Variants in ACACA observed in about 807,000 individuals in gnomAD.
ACACA encodes the protein acetyl-CoA carboxylase alpha.
A neutral mutation model predicts 296.1 loss-of-function variants in ACACA; 103 were observed. The observed-to-expected ratio is 0.35, with a 90% CI of 0.30 to 0.41. The LOEUF is 0.41. Among genes scored for constraint, ACACA ranks in the 10% least tolerant of loss-of-function variants. The probability of loss-of-function intolerance (pLI) is 1.00; values close to 1 mark genes in which losing one functional copy is unlikely to be tolerated. For missense variants in ACACA, 1,554 were observed against 2,989.7 expected (o/e 0.52, Z 11.20); for synonymous variants, 953 against 1,038.6 (o/e 0.92, Z 1.58).
intron 45 of ACACA, among the ~76,000 whole-genome samples, chr17:37,131,889 T>C (rs529301835): frequency 6.6e-6 from 1 of 152,320 alleles, no homozygotes; most frequent in East Asian, 1.9e-4. Context: ...CTGAGCAACA[T>C]GCTGGCAGCT....
At chr17:37,110,495 A>T (rs2073921742) in intron 52 of ACACA, among the ~76,000 whole-genome samples, 2 of 152,194 alleles carry the variant, frequency 1.3e-5, no homozygotes, top group Admixed American at 1.3e-4. Context: ...GGTGGCTGTT[A>T]CCCAGTGGCA....
At chr17:37,296,290 A>C (rs1045786161) in intron 3 of ACACA, among the ~76,000 whole-genome samples, 1 of 142,624 alleles carries the variant, frequency 7.0e-6, no homozygotes, top group Non-Finnish European at 1.5e-5. Flanking sequence ...GGAAAGGCAG[A>C]TCTTTGGAGC....
chr17:37,324,109 G>A (rs1019432908), intron 3 of ACACA, among the ~76,000 whole-genome samples: 13 of 152,142 alleles, frequency 8.5e-5, no homozygotes, highest in South Asian at 2.1e-4. Flanking sequence ...GCTCACACCT[G>A]TAATCTCAGC....
In ACACA at chr17:37,085,395, C is replaced by G; in HGVS notation, c.*1921G>C. ...GGGAGGTAAATGAGTGTAACCCACC[C>G]TGCCTCTGAAGACATGCCTGGACAG... On this transcript the variant is annotated 3_prime_UTR_variant, in exon 56 of 56. Coordinates refer to ENST00000616317, the MANE Select transcript of ACACA (RefSeq NM_198834.3). 1 of 390,712 alleles carries G rather than the reference C, an allele frequency of 2.6e-6. No homozygotes were observed. The highest frequency in any genetic ancestry group is 4.5e-6 in the Non-Finnish European group (1 of 221,564). 24.2% of individuals were successfully genotyped at this position (390,712 alleles called of 1,614,324 possible). A position where few individuals can be genotyped will look rare whatever the true frequency, so the allele number is the denominator to read the frequency against.
intron 4 of ACACA, 77 bp from the exon 5 acceptor site, chr17:37,283,482 T>C: frequency 2.0e-6 from 3 of 1,486,870 alleles, no homozygotes; most frequent in Non-Finnish European, 2.8e-6. Context: ...ATGAGAGAAT[T>C]TTTACATATC....
chr17:37,338,257 C>CA (rs934272312), intron 2 of ACACA, among the ~76,000 whole-genome samples: 1 of 130,272 alleles, frequency 7.7e-6, no homozygotes, highest in South Asian at 2.3e-4. Context: ...TATCATGCAA[C>CA]AAAAAAAATT....
At chr17:37,373,950 G>C (rs185023471) in intron 1 of ACACA, among the ~76,000 whole-genome samples, 2 of 152,334 alleles carry the variant, frequency 1.3e-5, no homozygotes, top group East Asian at 3.9e-4. Context: ...AGAGGCAAGA[G>C]GGTGGGGAGG....
At chr17:37,144,962 C>T (rs1433626354) in intron 45 of ACACA, among the ~76,000 whole-genome samples, 1 of 152,156 alleles carries the variant, frequency 6.6e-6, no homozygotes, top group African/African-American at 2.4e-5. Flanking sequence ...CCATAAACTG[C>T]ATATTCTTAT....
intron 1 of ACACA, among the ~76,000 whole-genome samples, chr17:37,403,514 G>A (rs2051361830): frequency 6.6e-6 from 1 of 151,990 alleles, no homozygotes; most frequent in Non-Finnish European, 1.5e-5. Flanking sequence ...TGGGACTACA[G>A]GCATGCGCCA....
intron 25 of ACACA, among the ~76,000 whole-genome samples, chr17:37,227,096 A>T (rs1189240405): frequency 2.0e-5 from 3 of 152,208 alleles, no homozygotes; most frequent in Non-Finnish European, 4.4e-5. Flanking sequence ...ATTAGAGGAA[A>T]AAAACAGGCT....
At position 37,107,508 on chromosome 17, in the gene ACACA, G is replaced by C. The variant is rs544249436; in HGVS notation, c.6565+4023C>G. On this transcript the variant is annotated intron_variant, in intron 52 of 55. Coordinates refer to ENST00000616317, the MANE Select transcript of ACACA (RefSeq NM_198834.3). ...CACAATGCTCCATATCTGCACCTGG[G>C]GCAACCTTGACCCTGAAGGCATGGT... Among the ~76,000 whole-genome samples the C allele has an allele frequency of 2.8e-3, 421 of 152,294 alleles. 3 individuals carry two copies. Among genetic ancestry groups the C allele is most frequent in the African/African-American group, 9.4e-3 (390 of 41,572 alleles).
chr17:37,312,176 G>C (rs1356966786), intron 3 of ACACA, among the ~76,000 whole-genome samples: 1 of 152,118 alleles, frequency 6.6e-6, no homozygotes, highest in Non-Finnish European at 1.5e-5. Context: ...ACATGACAAA[G>C]AGAGACACAG....
intron 50 of ACACA, among the ~76,000 whole-genome samples, chr17:37,118,396 ATAAT>A (rs1409135799): frequency 6.6e-6 from 1 of 152,268 alleles, no homozygotes; most frequent in Non-Finnish European, 1.5e-5. Flanking sequence ...ACACTTACAA[ATAAT>A]TAAAGTGATA....
intron 1 of ACACA, chr17:37,377,994 A>G: frequency 6.2e-7 from 1 of 1,601,620 alleles, no homozygotes; most frequent in Non-Finnish European, 8.6e-7. Flanking sequence ...CTGGAAAATG[A>G]TATTGCCATT....
At chr17:37,312,438 T>A (rs1162436017) in intron 3 of ACACA, among the ~76,000 whole-genome samples, 1 of 152,184 alleles carries the variant, frequency 6.6e-6, no homozygotes, top group Non-Finnish European at 1.5e-5. Flanking sequence ...CCTCCTCTTC[T>A]GGAAAATGGA....
chr17:37,279,523 C>G (rs901559064), intron 5 of ACACA, among the ~76,000 whole-genome samples: 8 of 151,952 alleles, frequency 5.3e-5, no homozygotes, highest in African/African-American at 1.9e-4. Context: ...AGTCCCACCA[C>G]AGACAGAGTG....
intron 1 of ACACA, among the ~76,000 whole-genome samples, chr17:37,391,412 C>T (rs1011950645): frequency 1.7e-4 from 26 of 152,122 alleles, no homozygotes; most frequent in Admixed American, 3.3e-4. Flanking sequence ...GAACTATGAT[C>T]CAGATCTTTT....
intron 14 of ACACA, among the ~76,000 whole-genome samples, chr17:37,255,483 A>T (rs1253203601): frequency 6.6e-6 from 1 of 152,220 alleles, no homozygotes; most frequent in Admixed American, 6.5e-5. Flanking sequence ...GCTAAAAATT[A>T]AGCTAGTTAG....
At chr17:37,377,115 G>A (rs2050035848) in intron 1 of ACACA, among the ~76,000 whole-genome samples, 1 of 152,118 alleles carries the variant, frequency 6.6e-6, no homozygotes, top group Non-Finnish European at 1.5e-5. Context: ...TGGTTCTGTG[G>A]AAACCTATAG....
Sources: gnomAD v4.1 joint callset for allele counts (sites outside exome capture counted in the v4.1 genomes callset) on GRCh38, gnomAD v4.1.1 for gene constraint, MANE v1.5 for transcripts, NCBI Gene and HGNC (gene_info 2026-07-23, HGNC 2026-07-21) for gene names.